Variants in LMCD1 observed in about 807,000 individuals in gnomAD.
LMCD1 encodes the protein LIM and cysteine-rich domains protein 1.
Under a neutral mutation model 42.7 loss-of-function variants are expected in LMCD1, and 32 were observed. The observed-to-expected ratio is 0.75, with a 90% confidence interval of 0.57 to 1.01. LMCD1 has a LOEUF of 1.01. LMCD1 is among the 50% of genes least tolerant of loss of function. LMCD1 has a pLI of 0.00. For missense variants in LMCD1, 458 were observed against 483.1 expected, an observed-to-expected ratio of 0.95 and a Z score of 0.49; for synonymous variants, 178 against 184.9, an observed-to-expected ratio of 0.96 and a Z score of 0.30.
chr3:8,567,316 G>A, intron 5 of LMCD1, 124 bp from the exon 6 acceptor site: 1 of 964,518 alleles, frequency 1.0e-6, no homozygotes, highest in Non-Finnish European at 1.5e-6. Context: ...TTTCCACTAA[G>A]GCTTTAAAAG....
intron 1 of LMCD1, among the ~76,000 whole-genome samples, chr3:8,517,583 T>C (rs941302504): frequency 2.6e-5 from 4 of 152,208 alleles, no homozygotes; most frequent in African/African-American, 9.6e-5. Flanking sequence ...CATTGAACCA[T>C]GTTAGTCAGC....
chr3:8,555,107 TG>T (rs1342808089), intron 4 of LMCD1, among the ~76,000 whole-genome samples: 2 of 152,072 alleles, frequency 1.3e-5, no homozygotes. Flanking sequence ...TCCAGGATCC[TG>T]GGAGCACAGT....
chr3:8,502,584 A>AT (rs1350703693), intron 1 of LMCD1, among the ~76,000 whole-genome samples: 11 of 54,142 alleles, frequency 2.0e-4, no homozygotes, highest in African/African-American at 5.8e-4. Context: ...ACACACACAC[A>AT]CACACACACA....
At chr3:8,512,621 C>T (rs556048742) in intron 1 of LMCD1, among the ~76,000 whole-genome samples, 1 of 152,266 alleles carries the variant, frequency 6.6e-6, no homozygotes, top group African/African-American at 2.4e-5. Context: ...AAGATACAAC[C>T]CTATAATGAG....
intron 1 of LMCD1, among the ~76,000 whole-genome samples, chr3:8,510,574 C>T (rs1348579593): frequency 1.3e-5 from 2 of 152,042 alleles, no homozygotes; most frequent in African/African-American, 4.8e-5. Flanking sequence ...AGACAAACGC[C>T]CTAGAAGTTT....
intron 1 of LMCD1, among the ~76,000 whole-genome samples, chr3:8,521,886 G>A (rs1056582977): frequency 8.5e-5 from 13 of 152,132 alleles, no homozygotes; most frequent in African/African-American, 2.9e-4. Context: ...TTTCATTTTG[G>A]TTTTGGTTTT....
chr3:8,551,144 C>A (rs1359697845), intron 4 of LMCD1: 4 of 985,284 alleles, frequency 4.1e-6, no homozygotes, highest in African/African-American at 1.7e-5. Context: ...GCCCCAACCA[C>A]AATTTTACTT....
At chr3:8,553,143 C>T (rs1694870076) in intron 4 of LMCD1, among the ~76,000 whole-genome samples, 1 of 152,190 alleles carries the variant, frequency 6.6e-6, no homozygotes, top group Non-Finnish European at 1.5e-5. Flanking sequence ...TGACGGCCCC[C>T]ATCCCTGATG....
chr3:8,545,416 A>G (rs528601007), intron 3 of LMCD1, among the ~76,000 whole-genome samples: 1 of 152,218 alleles, frequency 6.6e-6, no homozygotes, highest in African/African-American at 2.4e-5. Flanking sequence ...GGCATCTCTC[A>G]GGTATTAGCA....
intron 1 of LMCD1, among the ~76,000 whole-genome samples, chr3:8,523,461 G>A (rs1668139646): frequency 6.6e-6 from 1 of 152,196 alleles, no homozygotes; most frequent in South Asian, 2.1e-4. Context: ...GAGACTCACT[G>A]TGTTTTAGGA....
At chr3:8,524,294 C>CT (rs1037779210) in intron 1 of LMCD1, among the ~76,000 whole-genome samples, 3 of 151,878 alleles carry the variant, frequency 2.0e-5, no homozygotes, top group African/African-American at 7.3e-5. Flanking sequence ...GGTGGGAATC[C>CT]TCAGTCGAAG....
intron 3 of LMCD1, among the ~76,000 whole-genome samples, chr3:8,540,948 C>T (rs1345295689): frequency 6.6e-6 from 1 of 152,158 alleles, no homozygotes; most frequent in Non-Finnish European, 1.5e-5. Flanking sequence ...CCATTGACTT[C>T]TTATCGGCCC....
In LMCD1 at chr3:8,537,322, G is replaced by C; in HGVS notation, c.269G>C (p.Gly90Ala). The change falls in exon 3 of 6, where the codon GGC becomes GCC. Residue 90 changes from glycine to alanine, a missense_variant. Physicochemically the swap from Gly to Ala is moderately conservative, Grantham distance 60. Coordinates refer to ENST00000157600, the MANE Select transcript of LMCD1 (RefSeq NM_014583.4). ...TLTARVKGGD[G>A]IRIYKRNRMI... ...ACTGCTCGGGTGAAAGGCGGGGACG[G>C]CATCCGGATTTACAAGAGGAACCGG... 6.2e-7 allele frequency: 1 copy of C among 1,614,126 alleles called. No individual in the cohort carries two copies. Among genetic ancestry groups the C allele is most frequent in the Non-Finnish European group, 8.5e-7 (1 of 1,180,024 alleles).
chr3:8,515,099 G>T, intron 1 of LMCD1: 1 of 440,706 alleles, frequency 2.3e-6, no homozygotes, highest in South Asian at 1.6e-5. Flanking sequence ...TGAGGCCAAA[G>T]CATGGAAAGT....
intron 1 of LMCD1, among the ~76,000 whole-genome samples, chr3:8,524,927 C>T (rs886878717): frequency 6.6e-6 from 1 of 152,120 alleles, no homozygotes; most frequent in African/African-American, 2.4e-5. Context: ...TCAAGCAAGT[C>T]ACCCTCCTTG....
intron 4 of LMCD1, among the ~76,000 whole-genome samples, chr3:8,559,787 T>G (rs1192913484): frequency 6.6e-6 from 1 of 152,166 alleles, no homozygotes; most frequent in African/African-American, 2.4e-5. Context: ...GAAAATGGCT[T>G]AGAGGCAAGA....
chr3:8,503,068 A>G (rs1693798222), intron 1 of LMCD1, among the ~76,000 whole-genome samples: 1 of 152,166 alleles, frequency 6.6e-6, no homozygotes, highest in African/African-American at 2.4e-5. Context: ...AACCTCCCTC[A>G]TGGCAGTGGT....
intron 4 of LMCD1, among the ~76,000 whole-genome samples, chr3:8,564,469 G>A (rs1013583467): frequency 6.6e-6 from 1 of 152,026 alleles, no homozygotes; most frequent in Non-Finnish European, 1.5e-5. Flanking sequence ...ATGGGGTCTT[G>A]CTATGTTGCC....
chr3:8,520,233 C>T (rs1016618817), intron 1 of LMCD1, among the ~76,000 whole-genome samples: 2 of 152,096 alleles, frequency 1.3e-5, no homozygotes, highest in East Asian at 3.8e-4. Context: ...TGCACAAACA[C>T]ACACACACAC....
Sources: gnomAD v4.1 joint callset for allele counts (sites outside exome capture counted in the v4.1 genomes callset) on GRCh38, gnomAD v4.1.1 for gene constraint, MANE v1.5 for transcripts, NCBI Gene and HGNC (gene_info 2026-07-23, HGNC 2026-07-21) for gene names.